Variants in ALK observed in about 807,000 individuals in gnomAD.
The protein encoded by ALK is ALK tyrosine kinase receptor.
In ALK, 74 loss-of-function variants were observed where a neutral mutation model predicts 163.1. The ratio of observed to expected loss-of-function variants is 0.45; its 90% CI spans 0.38 to 0.55. The LOEUF (loss-of-function observed/expected upper bound fraction) is 0.55, where lower values mean the gene tolerates loss of function less well. Among genes scored for constraint, ALK ranks in the 20% least tolerant of loss-of-function variants. The probability of loss-of-function intolerance (pLI) is 0.00; values close to 1 mark genes in which losing one functional copy is unlikely to be tolerated. For missense variants in ALK, 2,063 were observed against 2,105.3 expected, an observed-to-expected ratio of 0.98 and a Z score of 0.39; for synonymous variants, 960 against 843.2, an observed-to-expected ratio of 1.14 and a Z score of -2.40.
intron 1 of ALK, among the ~76,000 whole-genome samples, chr2:29,906,153 G>A (rs1033608975): frequency 2.0e-5 from 3 of 152,104 alleles, no homozygotes; most frequent in South Asian, 2.1e-4. Flanking sequence ...GGAAGAAGCA[G>A]GCTCAGTGAG....
intron 3 of ALK, among the ~76,000 whole-genome samples, chr2:29,606,416 G>T (rs950031523): frequency 1.1e-4 from 16 of 152,224 alleles, no homozygotes; most frequent in Admixed American, 1.0e-3. Context: ...GCCATTCTAG[G>T]TCTCAGACCT....
rs951768793 is a variant in ALK, at chr2:29,362,715, T to G, written c.1282+21017A>C. 2.6e-5 allele frequency among the ~76,000 whole-genome samples: 4 copies of G among 152,344 alleles called. No homozygotes were observed. The South Asian group carries it at 8.3e-4, about 32-fold the overall frequency. On this transcript the variant is annotated intron_variant, in intron 5 of 28. Transcript: ENST00000389048. ...CCTCACTATATTGTAGTCCCTTCTT[T>G]ATCTGTCTTATCCACTGTACTGAGC...
chr2:29,834,496 A>C (rs1665505879), intron 1 of ALK, among the ~76,000 whole-genome samples: 1 of 152,214 alleles, frequency 6.6e-6, no homozygotes, highest in Non-Finnish European at 1.5e-5. Context: ...GAAAGTAAGT[A>C]GGGTGGGAGT....
At chr2:29,876,047 T>C (rs1312453562) in intron 1 of ALK, among the ~76,000 whole-genome samples, 1 of 152,204 alleles carries the variant, frequency 6.6e-6, no homozygotes, top group East Asian at 1.9e-4. Flanking sequence ...CTACGGGCAC[T>C]GCCTAGCAAT....
intron 13 of ALK, among the ~76,000 whole-genome samples, chr2:29,234,409 G>GA (rs547409389): frequency 8.0e-4 from 121 of 152,182 alleles, no homozygotes; most frequent in Non-Finnish European, 1.5e-3. Context: ...CAGGAGGAGA[G>GA]AAAAAAACCA....
At chr2:29,434,141 T>C (rs541021566) in intron 4 of ALK, among the ~76,000 whole-genome samples, 1 of 152,310 alleles carries the variant, frequency 6.6e-6, no homozygotes, top group South Asian at 2.1e-4. Flanking sequence ...ATATTTACGG[T>C]ATTATCCTTG....
chr2:29,217,013 TGA>T (rs1485530670), intron 23 of ALK, among the ~76,000 whole-genome samples: 4 of 142,708 alleles, frequency 2.8e-5, no homozygotes, highest in South Asian at 2.3e-4. Flanking sequence ...GGTGTGTGCG[TGA>T]GTGTATGTGG....
chr2:29,437,944 T>C (rs1670443462), intron 4 of ALK, among the ~76,000 whole-genome samples: 1 of 152,228 alleles, frequency 6.6e-6, no homozygotes, highest in African/African-American at 2.4e-5. Flanking sequence ...TCAATCTTCA[T>C]AACACCACCA....
intron 1 of ALK, among the ~76,000 whole-genome samples, chr2:29,844,531 T>C (rs1334900953): frequency 1.3e-5 from 2 of 152,194 alleles, no homozygotes; most frequent in African/African-American, 4.8e-5. Flanking sequence ...GAAATGTTAC[T>C]TGAATCTCCA....
At chr2:29,293,742 C>T (rs375630082) in intron 9 of ALK, among the ~76,000 whole-genome samples, 7 of 152,264 alleles carry the variant, frequency 4.6e-5, no homozygotes, top group African/African-American at 1.7e-4. Context: ...CTGGACAGAT[C>T]ACACATGGGC....
chr2:29,710,499 C>CATGTGTGTGT (rs71403672), intron 2 of ALK, among the ~76,000 whole-genome samples: 2 of 144,764 alleles, frequency 1.4e-5, no homozygotes, highest in South Asian at 4.6e-4. Context: ...AGTCTGTGTG[C>CATGTGTGTGT]GTGTGTGTGT....
Position 29,530,594 on chromosome 2 carries a change from G to C in ALK, c.1154+1321C>G, listed in dbSNP as rs1673095440. ...GAATATGCAGCTCTCAGAATATGAG[G>C]CTGGGCAAATACCTATAGGATGGCA... On this transcript the variant is annotated intron_variant, in intron 4 of 28. Coordinates refer to ENST00000389048, the MANE Select transcript of ALK (RefSeq NM_004304.5). 2.0e-5 allele frequency among the ~76,000 whole-genome samples: 3 copies of C among 152,368 alleles called. No homozygotes were observed. In the South Asian group the frequency reaches 6.2e-4, roughly 32 times the overall value.
intron 3 of ALK, among the ~76,000 whole-genome samples, chr2:29,583,513 C>T (rs540532678): frequency 1.5e-5 from 2 of 132,558 alleles, no homozygotes; most frequent in African/African-American, 5.0e-5. Flanking sequence ...ACAATAGATG[C>T]ATCCTCATTC....
At chr2:29,603,722 T>C (rs984926700) in intron 3 of ALK, among the ~76,000 whole-genome samples, 1 of 152,110 alleles carries the variant, frequency 6.6e-6, no homozygotes, top group Non-Finnish European at 1.5e-5. Context: ...CTCAGCACCA[T>C]TCAGTCTCTC....
At chr2:29,316,832 C>T (rs1202682634) in intron 8 of ALK, among the ~76,000 whole-genome samples, 1 of 152,086 alleles carries the variant, frequency 6.6e-6, no homozygotes, top group South Asian at 2.1e-4. Context: ...AGGTGGTTCA[C>T]AGAGATACAT....
At chr2:29,691,213 T>A (rs1678385907) in intron 3 of ALK, among the ~76,000 whole-genome samples, 1 of 152,234 alleles carries the variant, frequency 6.6e-6, no homozygotes, top group Admixed American at 6.5e-5. Flanking sequence ...TCAGTGCCAT[T>A]ACTGAAGCAG....
intron 1 of ALK, among the ~76,000 whole-genome samples, chr2:29,815,298 C>T (rs951679135): frequency 6.6e-6 from 1 of 151,838 alleles, no homozygotes; most frequent in African/African-American, 2.4e-5. Flanking sequence ...AGCACAGTAC[C>T]TGGAAAGATT....
intron 3 of ALK, among the ~76,000 whole-genome samples, chr2:29,647,283 T>G (rs1178932950): frequency 6.6e-6 from 1 of 152,194 alleles, no homozygotes; most frequent in African/African-American, 2.4e-5. Flanking sequence ...ATAGTTCAGA[T>G]GAGCTGCCAC....
At chr2:29,667,425 T>C (rs1357629796) in intron 3 of ALK, among the ~76,000 whole-genome samples, 1 of 152,106 alleles carries the variant, frequency 6.6e-6, no homozygotes, top group Non-Finnish European at 1.5e-5. Flanking sequence ...AATTTTTTCC[T>C]ATTCGGTACA....
Sources: gnomAD v4.1 joint callset for allele counts (sites outside exome capture counted in the v4.1 genomes callset) on GRCh38, gnomAD v4.1.1 for gene constraint, MANE v1.5 for transcripts, NCBI Gene and HGNC (gene_info 2026-07-23, HGNC 2026-07-21) for gene names.